The following CACNA1D variants were observed in gnomAD, a reference collection of about 807,000 sequenced individuals.
CACNA1D encodes calcium voltage-gated channel subunit alpha1 D.
Under a neutral mutation model 257.1 loss-of-function variants are expected in CACNA1D, and 55 were observed. The ratio of observed to expected loss-of-function variants is 0.21; its 90% CI spans 0.17 to 0.27. The LOEUF is 0.27. Ranked by LOEUF, CACNA1D falls within the 10% of genes least tolerant of loss-of-function variation. The pLI, the probability that CACNA1D is intolerant of heterozygous loss-of-function variation, is 1.00. For synonymous variants in CACNA1D, 980 were observed against 1,014.9 expected (o/e 0.97, Z 0.65); for missense variants, 1,876 against 2,784.0 (o/e 0.67, Z 7.34).
intron 40 of CACNA1D, among the ~76,000 whole-genome samples, chr3:53,790,746 A>G (rs1031174045): frequency 5.3e-5 from 8 of 152,244 alleles, no homozygotes; most frequent in Non-Finnish European, 8.8e-5. Flanking sequence ...GGCTCAATGC[A>G]TAAAGACAGA....
At position 53,623,987 on chromosome 3, in the gene CACNA1D, A is replaced by AT. The variant is rs2093728717; in HGVS notation, c.484-26788dup. ...ACAGAGTTCTGGCTTTTCAACAGAG[A>AT]TTTTAATAAAAGATGAACAAGGTCA... is the stretch of plus-strand genomic sequence containing the variant. On this transcript the variant is annotated intron_variant, in intron 3 of 47. Transcript: ENST00000350061. Among the ~76,000 whole-genome samples, 3 of 152,192 alleles carry AT rather than the reference A, an allele frequency of 2.0e-5. No individual in the cohort carries two copies. In the South Asian group the frequency reaches 6.2e-4, roughly 32 times the overall value.
chr3:53,697,668 A>G (rs919757172), intron 8 of CACNA1D, among the ~76,000 whole-genome samples: 2 of 152,044 alleles, frequency 1.3e-5, no homozygotes, highest in African/African-American at 2.4e-5. Flanking sequence ...ATTAAATTTT[A>G]CCTCATTTAC....
intron 8 of CACNA1D, 75 bp from the exon 9 acceptor site, chr3:53,702,566 G>A: frequency 7.1e-7 from 1 of 1,405,264 alleles, no homozygotes; most frequent in Non-Finnish European, 1.0e-6. Flanking sequence ...AGACTGTTGT[G>A]CAGTAGGGCA....
intron 20 of CACNA1D, among the ~76,000 whole-genome samples, chr3:53,736,224 C>G (rs1192657931): frequency 6.6e-6 from 1 of 151,944 alleles, no homozygotes; most frequent in Non-Finnish European, 1.5e-5. Context: ...ACCTGCAGTC[C>G]CAGCTACTCA....
intron 10 of CACNA1D, 142 bp downstream of exon 10, chr3:53,718,530 C>T (rs2094845102): frequency 9.7e-7 from 1 of 1,026,576 alleles, no homozygotes; most frequent in African/African-American, 1.6e-5. Flanking sequence ...TACCCCACGC[C>T]ACGCTTCCTC....
intron 20 of CACNA1D, among the ~76,000 whole-genome samples, chr3:53,737,489 C>T (rs944072553): frequency 1.3e-5 from 2 of 152,118 alleles, no homozygotes; most frequent in African/African-American, 4.8e-5. Flanking sequence ...CTGAGAGAGT[C>T]CTGCAACCAA....
At chr3:53,542,788 C>T (rs1386665459) in intron 3 of CACNA1D, among the ~76,000 whole-genome samples, 1 of 152,086 alleles carries the variant, frequency 6.6e-6, no homozygotes, top group Non-Finnish European at 1.5e-5. Context: ...GGTGTGGTGA[C>T]TCACGCCTGT....
intron 32 of CACNA1D, among the ~76,000 whole-genome samples, chr3:53,771,154 C>G (rs1478420643): frequency 6.6e-6 from 1 of 152,158 alleles, no homozygotes; most frequent in Non-Finnish European, 1.5e-5. Flanking sequence ...CCTGCCAGTA[C>G]CCTGCCCCAG....
chr3:53,670,615 G>A lies in CACNA1D; in HGVS notation c.1117-2408G>A, dbSNP rs567930306. Among the ~76,000 whole-genome samples the A allele has an allele frequency of 8.5e-5, 13 of 152,334 alleles. No individual in the cohort carries two copies. In the South Asian group the frequency reaches 2.5e-3, roughly 29 times the overall value. ...CTGCCTTGGCCTCCCAAAGTGTTGG[G>A]ATTGCAGGCGTGAGCTGCTGCACCC... On this transcript the variant is annotated intron_variant, in intron 7 of 47. Transcript: ENST00000350061.
intron 3 of CACNA1D, among the ~76,000 whole-genome samples, chr3:53,574,279 A>G (rs11707155): frequency 0.027 from 4,159 of 152,176 alleles, 85 homozygotes; most frequent in Non-Finnish European, 0.04. Context: ...CACCTTTGCA[A>G]TATTTCCAGC....
At chr3:53,661,451 A>G (rs1418596729) in intron 5 of CACNA1D, among the ~76,000 whole-genome samples, 3 of 152,260 alleles carry the variant, frequency 2.0e-5, no homozygotes, top group Non-Finnish European at 4.4e-5. Context: ...TCAAAACCAC[A>G]GAACTGTGTG....
intron 4 of CACNA1D, among the ~76,000 whole-genome samples, chr3:53,652,690 T>C (rs1250437098): frequency 2.0e-5 from 3 of 152,184 alleles, no homozygotes; most frequent in Non-Finnish European, 4.4e-5. Flanking sequence ...CTAAACTGGC[T>C]CTAGAGCAGG....
chr3:53,643,296 C>T (rs574715502), intron 3 of CACNA1D, among the ~76,000 whole-genome samples: 20 of 152,224 alleles, frequency 1.3e-4, no homozygotes, highest in African/African-American at 4.6e-4. Context: ...TACAGCCAAG[C>T]ATCTCTGAGC....
chr3:53,722,528 T>C, intron 12 of CACNA1D, 54 bp downstream of exon 12: 3 of 1,554,250 alleles, frequency 1.9e-6, no homozygotes, highest in Non-Finnish European at 2.7e-6. Flanking sequence ...TCTGTGGCTG[T>C]CCAACTGCCA....
At chr3:53,687,931 TC>T (rs962029063) in intron 8 of CACNA1D, among the ~76,000 whole-genome samples, 2 of 152,232 alleles carry the variant, frequency 1.3e-5, no homozygotes, top group Non-Finnish European at 2.9e-5. Flanking sequence ...AAAGACTATT[TC>T]CAAGTGTCAC....
intron 3 of CACNA1D, among the ~76,000 whole-genome samples, chr3:53,587,050 A>G (rs1205232453): frequency 6.6e-6 from 1 of 152,158 alleles, no homozygotes; most frequent in Admixed American, 6.5e-5. Context: ...GCCCCATCTC[A>G]GTGGGCCTTG....
In CACNA1D at chr3:53,682,010, C is replaced by A. The variant is rs147906689; in HGVS notation, c.1220+8884C>A. Reference sequence around the variant, plus strand: ...AGTCAGATGAAAGGAAAGAGACTGGCCGGCAGAATCCAGGTCACGTAGGAC... The same window carrying A: ...AGTCAGATGAAAGGAAAGAGACTGGACGGCAGAATCCAGGTCACGTAGGAC... On this transcript the variant is annotated intron_variant, in intron 8 of 47. Transcript: ENST00000350061. Among the ~76,000 whole-genome samples, 1,279 of 152,206 alleles carry A rather than the reference C, an allele frequency of 8.4e-3. 24 individuals carry two copies. Among genetic ancestry groups the A allele is most frequent in the African/African-American group, 0.029 (1,199 of 41,508 alleles).
intron 16 of CACNA1D, 97 bp downstream of exon 16, chr3:53,730,653 T>C: frequency 1.1e-6 from 1 of 914,518 alleles, no homozygotes; most frequent in Non-Finnish European, 1.8e-6. Context: ...TCACGGCAGC[T>C]GCAGCCCCCG....
In CACNA1D at chr3:53,801,091, C is replaced by A; in HGVS notation, c.5074C>A (p.His1692Asn). ...TGCCCTGCTTGGAAACCATGTCAATCATGTTAATAGTGATAGGAGAGATTC... is the reference window on the plus strand; with the variant it reads ...TGCCCTGCTTGGAAACCATGTCAATAATGTTAATAGTGATAGGAGAGATTC... ...NGALLGNHVN[H>N]VNSDRRDSLQ... is the part of the protein sequence containing the mutation. Residue 1692 changes from histidine (H) to asparagine (N), a missense_variant, in exon 42 of 48, where the codon CAT (histidine) becomes AAT (asparagine). Coordinates refer to ENST00000350061, the MANE Select transcript of CACNA1D (RefSeq NM_001128840.3). 1 of 1,613,794 alleles carries A rather than the reference C, an allele frequency of 6.2e-7. No homozygotes were observed. The highest frequency in any genetic ancestry group is 1.1e-5 in the South Asian group (1 of 91,076).
Sources: gnomAD v4.1 joint callset for allele counts (sites outside exome capture counted in the v4.1 genomes callset) on GRCh38, gnomAD v4.1.1 for gene constraint, MANE v1.5 for transcripts, NCBI Gene and HGNC (gene_info 2026-07-23, HGNC 2026-07-21) for gene names.